The following CENPU variants were observed in gnomAD, a reference collection of about 807,000 sequenced individuals.
CENPU encodes centromere protein U.
In CENPU, 46 loss-of-function variants were observed where a neutral mutation model predicts 56.7. That is an observed-to-expected ratio of 0.81 (90% CI 0.64 to 1.04). CENPU has a LOEUF of 1.04. Among genes scored for constraint, CENPU ranks in the 50% least tolerant of loss-of-function variants. The pLI is 0.00. For missense variants in CENPU, 510 were observed against 490.1 expected, an observed-to-expected ratio of 1.04 and a Z score of -0.38; for synonymous variants, 166 against 163.0, an observed-to-expected ratio of 1.02 and a Z score of -0.14.
chr4:184,700,195 C>G (rs1450559991), intron 11 of CENPU, among the ~76,000 whole-genome samples: 1 of 152,150 alleles, frequency 6.6e-6, no homozygotes, highest in Non-Finnish European at 1.5e-5. Context: ...TAACCAGAAA[C>G]TGGGGGCAGC....
intron 4 of CENPU, among the ~76,000 whole-genome samples, chr4:184,723,207 T>C (rs1761336329): frequency 6.6e-6 from 1 of 152,094 alleles, no homozygotes; most frequent in Admixed American, 6.5e-5. Flanking sequence ...TATGTAAAGA[T>C]CTCTAAGATG....
intron 4 of CENPU, among the ~76,000 whole-genome samples, chr4:184,719,908 G>A (rs1048277163): frequency 1.3e-5 from 2 of 152,122 alleles, no homozygotes; most frequent in African/African-American, 4.8e-5. Flanking sequence ...CACAAATGAT[G>A]GATCCAAACA....
In CENPU at chr4:184,699,439, T is replaced by C. The variant is rs1032307101; in HGVS notation, c.986+1381A>G. On this transcript the variant is annotated intron_variant, in intron 11 of 12. Transcript: ENST00000281453. ...ACTGTAGCTATAACCACTTATCTCA[T>C]AGGACTGTGATGATGATGAGTTAGC... is the stretch of plus-strand genomic sequence containing the variant. 10 of 537,176 alleles carry C rather than the reference T, an allele frequency of 1.9e-5. 1 individual carries two copies. Among genetic ancestry groups the C allele is most frequent in the Middle Eastern group, 3.3e-4 (1 of 3,076 alleles). The allele number at this position is 537,176 out of a possible 1,614,324, so 33.3% of individuals were successfully genotyped here.
intron 3 of CENPU, among the ~76,000 whole-genome samples, chr4:184,725,323 T>C (rs1235710339): frequency 6.6e-6 from 1 of 152,228 alleles, no homozygotes; most frequent in Non-Finnish European, 1.5e-5. Flanking sequence ...TTTTGGTTTC[T>C]GAAACAGGGC....
At position 184,731,030 on chromosome 4, in the gene CENPU, T is replaced by C. The variant is rs1330678481; in HGVS notation, c.48-62A>G. On this transcript the variant is annotated intron_variant, in intron 1 of 12. Coordinates refer to ENST00000281453, the MANE Select transcript of CENPU (RefSeq NM_024629.4). ...AGTTAAAATAACTGAGGAAACACCA[T>C]AGTTATGACCCTTTCCGCGCATTTT... 1.4e-5 allele frequency: 17 copies of C among 1,211,834 alleles called. No homozygotes were observed. In the East Asian group the frequency reaches 2.6e-4, roughly 19 times the overall value. The allele number at this position is 1,211,834 out of a possible 1,614,324, so 75.1% of individuals were successfully genotyped here. A position where few individuals can be genotyped will look rare whatever the true frequency, so the allele number is the denominator to read the frequency against.
chr4:184,700,777 T>C, intron 11 of CENPU, 43 bp downstream of exon 11: 1 of 1,531,626 alleles, frequency 6.5e-7, no homozygotes, highest in Non-Finnish European at 9.1e-7. Flanking sequence ...CATCATTACA[T>C]CCTTTTAGGT....
At chr4:184,723,713 C>T (rs1027803112) in intron 4 of CENPU, among the ~76,000 whole-genome samples, 13 of 151,750 alleles carry the variant, frequency 8.6e-5, no homozygotes, top group African/African-American at 2.7e-4. Flanking sequence ...CATGGTGGCA[C>T]GTGCCTGTAG....
intron 4 of CENPU, among the ~76,000 whole-genome samples, chr4:184,718,850 A>G (rs902171): frequency 0.97 from 147,177 of 152,226 alleles, 71,313 homozygotes; most frequent in East Asian, 1. Context: ...GAAAAGGATG[A>G]AGCTCAGTTT....
chr4:184,703,054 C>T (rs1302206659), intron 8 of CENPU, among the ~76,000 whole-genome samples: 1 of 151,996 alleles, frequency 6.6e-6, no homozygotes, highest in Non-Finnish European at 1.5e-5. Context: ...TTTTAAATAA[C>T]TAAGATGGCA....
At chr4:184,711,680 T>C (rs1056619405) in intron 7 of CENPU, among the ~76,000 whole-genome samples, 1 of 152,206 alleles carries the variant, frequency 6.6e-6, no homozygotes, top group Non-Finnish European at 1.5e-5. Flanking sequence ...TATAAAACTA[T>C]ATTATACAAC....
chr4:184,697,642 G>A lies in CENPU; in HGVS notation c.1143+5C>T. The A allele has an allele frequency of 6.2e-7, 1 of 1,612,234 alleles. No homozygotes were observed. The highest frequency in any genetic ancestry group is 8.5e-7 in the Non-Finnish European group (1 of 1,179,276). Reference sequence around the variant, plus strand: ...AAGCATGGTAAAAAGTAAAATTGGAGTTACCGTTTCCTTTACGTTTGGTTC... The same window carrying A: ...AAGCATGGTAAAAAGTAAAATTGGAATTACCGTTTCCTTTACGTTTGGTTC... On this transcript the variant is annotated splice_donor_5th_base_variant and intron_variant, in intron 12 of 12. Transcript: ENST00000281453.
rs1450453789 is a variant in CENPU, at chr4:184,695,250, T to A, written c.*38A>T. ...GTTTCAGAAGGTAACAGCATGAGAC[T>A]AGTCTTCCTATAGGCACATTTTAGT... On this transcript the variant is annotated 3_prime_UTR_variant, in exon 13 of 13. Transcript: ENST00000281453. 2.3e-6 allele frequency: 3 copies of A among 1,313,974 alleles called. No homozygotes were observed. In the Admixed American group the frequency reaches 5.0e-5, roughly 22 times the overall value. 81.4% of individuals were successfully genotyped at this position (1,313,974 alleles called of 1,614,324 possible). A position where few individuals can be genotyped will look rare whatever the true frequency, so the allele number is the denominator to read the frequency against.
rs577969234 is a variant in CENPU at position 184,734,046 on chromosome 4, C to G, written c.17G>C (p.Arg6Pro). The stretch of plus-strand genomic sequence containing the variant: ...AGACCTGTGAGGCCGCGGCCGCCGC[C>G]GCCCCCGCGGGGCCATGGTGCCGCT... MAPRG[R>P]RRPRPHRSEG... Residue 6 changes from arginine (R) to proline (P), a missense_variant, in exon 1 of 13, where the codon CGG (arginine) becomes CCG (proline). Coordinates refer to ENST00000281453, the MANE Select transcript of CENPU (RefSeq NM_024629.4). The G allele has an allele frequency of 1.3e-4, 205 of 1,573,330 alleles. No individual in the cohort carries two copies. The East Asian group carries it at 2.3e-3, about 17-fold the overall frequency.
chr4:184,731,853 G>C (rs1243014094), intron 1 of CENPU, among the ~76,000 whole-genome samples: 1 of 140,906 alleles, frequency 7.1e-6, no homozygotes, highest in Non-Finnish European at 1.6e-5. Context: ...ATAGCACAAG[G>C]ACCTTCTGTA....
At position 184,718,374 on chromosome 4, in the gene CENPU, A is replaced by G. The variant is rs536995616; in HGVS notation, c.321-1178T>C. ...CTTCCAACTTTACCCTTCACAGGTAACACTAATAAACCCCTTCCATTCCTA... is the reference window on the plus strand; with the variant it reads ...CTTCCAACTTTACCCTTCACAGGTAGCACTAATAAACCCCTTCCATTCCTA... On this transcript the variant is annotated intron_variant, in intron 4 of 12. Coordinates refer to ENST00000281453, the MANE Select transcript of CENPU (RefSeq NM_024629.4). 2.6e-5 allele frequency among the ~76,000 whole-genome samples: 4 copies of G among 152,318 alleles called. No individual in the cohort carries two copies. The South Asian group carries it at 8.3e-4, about 32-fold the overall frequency.
In CENPU at chr4:184,734,044, G is replaced by C; in HGVS notation, c.19C>G (p.Arg7Gly). The C allele has an allele frequency of 6.4e-7, 1 of 1,573,606 alleles. No homozygotes were observed. The highest frequency in any genetic ancestry group is 8.6e-7 in the Non-Finnish European group (1 of 1,161,884). ...TCAGACCTGTGAGGCCGCGGCCGCC[G>C]CCGCCCCCGCGGGGCCATGGTGCCG... MAPRGR[R>G]RPRPHRSEGA... The change falls in exon 1 of 13, where the codon CGG (arginine) becomes GGG (glycine). Residue 7 changes from arginine to glycine, a missense_variant. Physicochemically the swap from Arg to Gly is moderately radical, Grantham distance 125. Coordinates refer to ENST00000281453, the MANE Select transcript of CENPU (RefSeq NM_024629.4).
In CENPU at chr4:184,697,765, T is replaced by A. The variant is rs1760389114; in HGVS notation, c.1025A>T (p.Asp342Val). 1 of 1,609,736 alleles carries A rather than the reference T, an allele frequency of 6.2e-7. No individual in the cohort carries two copies. ...PQLKQLQTKY[D>V]ELKERKSSLR... The stretch of plus-strand genomic sequence containing the variant: ...GGAAGACTTTCTCTCTTTAAGTTCA[T>A]CATATTTTGTTTGTAGTTGTTTCAG... The change falls in exon 12 of 13, where the codon GAT (aspartate) becomes GTT (valine). Residue 342 changes from aspartate (D) to valine (V), a missense_variant. Coordinates refer to ENST00000281453, the MANE Select transcript of CENPU (RefSeq NM_024629.4).
At chr4:184,731,072 A>G in intron 1 of CENPU, 104 bp from the exon 2 acceptor site, 3 of 654,954 alleles carry the variant, frequency 4.6e-6, no homozygotes, top group Non-Finnish European at 6.7e-6. Flanking sequence ...AAAAAAAAAC[A>G]AGAACCCATA....
At chr4:184,726,780 T>A (rs1226632780) in intron 3 of CENPU, among the ~76,000 whole-genome samples, 2 of 152,048 alleles carry the variant, frequency 1.3e-5, no homozygotes, top group Non-Finnish European at 2.9e-5. Flanking sequence ...ACATACAGAC[T>A]GTTCTTCAGC....
Sources: allele counts gnomAD v4.1 joint callset (sites outside exome capture counted in the v4.1 genomes callset), GRCh38; gene constraint gnomAD v4.1.1; transcripts MANE v1.5; gene names NCBI Gene and HGNC (gene_info 2026-07-23, HGNC 2026-07-21).